ASZ1: variants seen among roughly 807,000 people sequenced by gnomAD.
The protein encoded by ASZ1 is ankyrin repeat, SAM and basic leucine zipper domain containing 1, also known as ankyrin repeat, SAM and basic leucine zipper domain-containing protein 1.
Under a neutral mutation model 61.8 loss-of-function variants are expected in ASZ1, and 67 were observed. That is an observed-to-expected ratio of 1.08 (90% CI 0.89 to 1.33). ASZ1 has a LOEUF of 1.33. Ranked by LOEUF, ASZ1 falls within the 40% of genes most tolerant of loss-of-function variation. The pLI is 0.00. For missense variants in ASZ1, 577 were observed against 554.5 expected (o/e 1.04, Z -0.41); for synonymous variants, 193 against 192.7 (o/e 1.00, Z -0.01).
At chr7:117,374,166 A>T (rs1328563701) in intron 10 of ASZ1, among the ~76,000 whole-genome samples, 1 of 152,106 alleles carries the variant, frequency 6.6e-6, no homozygotes. Flanking sequence ...GATTTTAAGA[A>T]ATTAGGATCG....
chr7:117,415,772 A>G lies in ASZ1; in HGVS notation c.440+4391T>C, dbSNP rs183825717. Among the ~76,000 whole-genome samples, 75 of 152,296 alleles carry G rather than the reference A, an allele frequency of 4.9e-4. No individual in the cohort carries two copies. In the East Asian group the frequency reaches 0.014, roughly 28 times the overall value. On this transcript the variant is annotated intron_variant, in intron 4 of 12. Transcript: ENST00000284629. The stretch of plus-strand genomic sequence containing the variant: ...AAAAAATGAAATATAAAACAACAAC[A>G]AAAAAAGGTATTCAGTGATATTAAC...
At chr7:117,374,758 G>T (rs959320672) in intron 10 of ASZ1, among the ~76,000 whole-genome samples, 3 of 152,016 alleles carry the variant, frequency 2.0e-5, no homozygotes, top group African/African-American at 7.2e-5. Flanking sequence ...TATTTGTGAA[G>T]ATTTCTTACA....
rs775355813 is a variant in ASZ1 at position 117,383,150 on chromosome 7, C to T, written c.688-40G>A. 1.9e-5 allele frequency: 28 copies of T among 1,471,164 alleles called. No homozygotes were observed. The Admixed American group carries it at 6.6e-4, about 35-fold the overall frequency. The allele number at this position is 1,471,164 out of a possible 1,614,324, so 91.1% of individuals were successfully genotyped here. On this transcript the variant is annotated intron_variant, in intron 6 of 12. Coordinates refer to ENST00000284629, the MANE Select transcript of ASZ1 (RefSeq NM_130768.3). The stretch of plus-strand genomic sequence containing the variant: ...CATCATTCAAATATAATTAACATTG[C>T]ATACTGTAACTTACACTTAAAAGAA...
intron 4 of ASZ1, among the ~76,000 whole-genome samples, chr7:117,412,440 A>C (rs1315774824): frequency 6.6e-6 from 1 of 151,952 alleles, no homozygotes; most frequent in Non-Finnish European, 1.5e-5. Context: ...CTAGAAAACA[A>C]GTTACTATTG....
At chr7:117,391,806 T>C (rs1363813682) in intron 4 of ASZ1, among the ~76,000 whole-genome samples, 4 of 152,142 alleles carry the variant, frequency 2.6e-5, no homozygotes, top group Non-Finnish European at 4.4e-5. Flanking sequence ...TTTTTTCTTA[T>C]TTTTTGAGAC....
chr7:117,368,125 C>T (rs1411995157), intron 11 of ASZ1: 2 of 513,690 alleles, frequency 3.9e-6, no homozygotes, highest in Non-Finnish European at 5.0e-6. Flanking sequence ...CAGGGTCTCA[C>T]CATGCTGCTC....
chr7:117,419,532 T>C lies in ASZ1; in HGVS notation c.440+631A>G, dbSNP rs1797060271. Among the ~76,000 whole-genome samples the C allele has an allele frequency of 2.6e-5, 4 of 152,226 alleles. 1 individual carries two copies. The South Asian group carries it at 8.3e-4, about 32-fold the overall frequency. ...TAGATGGGCTACTTCCTACTCATTT[T>C]AAAGATTAAATGAAACACAAAGAGA... On this transcript the variant is annotated intron_variant, in intron 4 of 12. Coordinates refer to ENST00000284629, the MANE Select transcript of ASZ1 (RefSeq NM_130768.3).
At chr7:117,388,439 G>A (rs894599007) in intron 4 of ASZ1, among the ~76,000 whole-genome samples, 1 of 151,850 alleles carries the variant, frequency 6.6e-6, no homozygotes, top group Non-Finnish European at 1.5e-5. Flanking sequence ...TACATAAAAA[G>A]GTTAATACAT....
chr7:117,423,689 CAAAAAAAAAA>C (rs60144830), intron 2 of ASZ1, among the ~76,000 whole-genome samples: 3 of 76,516 alleles, frequency 3.9e-5, no homozygotes, highest in African/African-American at 5.6e-5. Context: ...ACTAAAAATA[CAAAAAAAAAA>C]AAAAAAAAAA....
chr7:117,399,213 A>G (rs1484441652), intron 4 of ASZ1, among the ~76,000 whole-genome samples: 1 of 152,228 alleles, frequency 6.6e-6, no homozygotes. Flanking sequence ...CTGGGCACAG[A>G]GCAAGACTGT....
In ASZ1 at chr7:117,380,597, T is replaced by A. The variant is rs117539903; in HGVS notation, c.945+414A>T. On this transcript the variant is annotated intron_variant, in intron 9 of 12. Coordinates refer to ENST00000284629, the MANE Select transcript of ASZ1 (RefSeq NM_130768.3). ...GTCTCTAATACATCCCGCAGCTATA[T>A]GTTATTAGATAATACTAGATGGCAA... Among the ~76,000 whole-genome samples the A allele has an allele frequency of 1.2e-4, 18 of 151,846 alleles. No individual in the cohort carries two copies. In the East Asian group the frequency reaches 3.5e-3, roughly 29 times the overall value.
intron 4 of ASZ1, among the ~76,000 whole-genome samples, chr7:117,408,026 A>G (rs1377460372): frequency 6.6e-6 from 1 of 152,178 alleles, no homozygotes; most frequent in East Asian, 1.9e-4. Context: ...GTACTTTCTC[A>G]TGTTCACCAA....
chr7:117,416,560 GA>G (rs1286533507), intron 4 of ASZ1, among the ~76,000 whole-genome samples: 1 of 152,146 alleles, frequency 6.6e-6, no homozygotes, highest in African/African-American at 2.4e-5. Flanking sequence ...TTCTAGAACA[GA>G]AAAAATTTAT....
chr7:117,417,870 G>T (rs1004966126), intron 4 of ASZ1, among the ~76,000 whole-genome samples: 1 of 152,088 alleles, frequency 6.6e-6, no homozygotes, highest in South Asian at 2.1e-4. Context: ...GCTAAATCTT[G>T]TGCTCTTTCA....
chr7:117,393,182 T>G (rs1417518492), intron 4 of ASZ1, among the ~76,000 whole-genome samples: 1 of 152,136 alleles, frequency 6.6e-6, no homozygotes, highest in African/African-American at 2.4e-5. Flanking sequence ...TAAAAGACTT[T>G]CTTTGTGGTC....
At chr7:117,413,667 A>G (rs1796939191) in intron 4 of ASZ1, among the ~76,000 whole-genome samples, 2 of 152,034 alleles carry the variant, frequency 1.3e-5, no homozygotes, top group Non-Finnish European at 2.9e-5. Context: ...AAAATAAAAG[A>G]AAATAAAGAA....
chr7:117,419,387 C>A (rs571731519), intron 4 of ASZ1, among the ~76,000 whole-genome samples: 83 of 152,008 alleles, frequency 5.5e-4, no homozygotes, highest in Non-Finnish European at 9.4e-4. Flanking sequence ...GAAACTGAAC[C>A]AATTTAGAAA....
intron 4 of ASZ1, among the ~76,000 whole-genome samples, chr7:117,416,337 A>C (rs1796990967): frequency 6.6e-6 from 1 of 152,204 alleles, no homozygotes; most frequent in African/African-American, 2.4e-5. Flanking sequence ...ATAGAGCCTA[A>C]ATACTTTAAA....
rs376694351 is a variant in ASZ1, at chr7:117,382,189, T to C, written c.813-45A>G. The C allele has an allele frequency of 7.2e-6, 8 of 1,116,670 alleles. No homozygotes were observed. In the African/African-American group the frequency reaches 1.3e-4, roughly 17 times the overall value. 69.2% of individuals were successfully genotyped at this position (1,116,670 alleles called of 1,614,324 possible). A position where few individuals can be genotyped will look rare whatever the true frequency, so the allele number is the denominator to read the frequency against. On this transcript the variant is annotated intron_variant, in intron 7 of 12. Transcript: ENST00000284629. ...TGTCAATTTCAGAACAGATTATAAA[T>C]GCACAAGCGATAAATATACATTTAT... is the stretch of plus-strand genomic sequence containing the variant.
Sources: gnomAD v4.1 joint callset for allele counts (sites outside exome capture counted in the v4.1 genomes callset) on GRCh38, gnomAD v4.1.1 for gene constraint, MANE v1.5 for transcripts, NCBI Gene and HGNC (gene_info 2026-07-23, HGNC 2026-07-21) for gene names.